The following COL10A1 variants were observed in gnomAD, a reference collection of about 807,000 sequenced individuals.
COL10A1 encodes collagen alpha-1(X) chain.
A neutral mutation model predicts 18.2 loss-of-function variants in COL10A1; 10 were observed. That is an observed-to-expected ratio of 0.55 (90% confidence interval 0.34 to 0.93). The LOEUF (loss-of-function observed/expected upper bound fraction) is 0.93. Among genes scored for constraint, COL10A1 ranks in the 40% least tolerant of loss-of-function variants. The pLI, the probability that COL10A1 is intolerant of heterozygous loss-of-function variation, is 0.02. For synonymous variants in COL10A1, 330 were observed against 316.6 expected (o/e 1.04, Z -0.45); for missense variants, 897 against 853.5 (o/e 1.05, Z -0.64).
chr6:116,194,507 G>A, the COL10A1 span, among the ~76,000 whole-genome samples: 7 of 152,108 alleles, frequency 4.6e-5, no homozygotes, highest in African/African-American at 1.4e-4. Flanking sequence ...ATTTTATGTT[G>A]TGGGGAGTTA....
chr6:116,121,590 T>C lies in COL10A1; in HGVS notation c.526A>G (p.Lys176Glu). ...APGPRGFPGE[K>E]GAPGVPGMNG... ...ATACCAGGGACTCCTGGTGCACCCT[T>C]TTCTCCAGGAAAGCCCCTGGGTCCT... Residue 176 changes from lysine to glutamate, a missense_variant, in exon 3 of 3, where the codon AAG (lysine) becomes GAG (glutamate). By Grantham distance (56) the Lys-to-Glu change is moderately conservative. Transcript: ENST00000651968. 1 of 1,613,964 alleles carries C rather than the reference T, an allele frequency of 6.2e-7. No homozygotes were observed. The highest frequency in any genetic ancestry group is 8.5e-7 in the Non-Finnish European group (1 of 1,179,960).
upstream of COL10A1, among the ~76,000 whole-genome samples, chr6:116,160,779 T>A (rs569808045): frequency 3.4e-4 from 52 of 152,348 alleles, no homozygotes; most frequent in African/African-American, 1.2e-3. Context: ...GCCTTTAATC[T>A]ATCTTCAGTT....
chr6:116,201,467 A>G, the COL10A1 span, among the ~76,000 whole-genome samples: 4 of 152,016 alleles, frequency 2.6e-5, no homozygotes, highest in African/African-American at 7.2e-5. Context: ...GAATTGACCA[A>G]TCAAATTTCC....
At chr6:116,142,954 G>A (rs1349541402) in intron 1 of COL10A1, among the ~76,000 whole-genome samples, 1 of 152,090 alleles carries the variant, frequency 6.6e-6, no homozygotes, top group Non-Finnish European at 1.5e-5. Context: ...ACTATTCTCT[G>A]TGTTTCATGG....
Position 116,120,087 on chromosome 6 carries a change from C to T in COL10A1, c.2029G>A (p.Val677Met). ...YVHSSFSGFLVAPM is the reference protein window; with the variant it reads ...YVHSSFSGFLMAPM ...TCTGTGTGTACTCACATTGGAGCCA[C>T]TAGGAATCCTGAGAAAGAGGAGTGG... Residue 677 changes from valine (V) to methionine (M), a missense_variant, in exon 3 of 3, where the codon GTG becomes ATG. Val to Met is a conservative substitution (Grantham distance 21, BLOSUM62 1). Coordinates refer to ENST00000651968, the MANE Select transcript of COL10A1 (RefSeq NM_000493.4). 1 of 1,614,058 alleles carries T rather than the reference C, an allele frequency of 6.2e-7. No homozygotes were observed.
chr6:116,201,854 C>T, the COL10A1 span, among the ~76,000 whole-genome samples: 4 of 152,112 alleles, frequency 2.6e-5, no homozygotes, highest in African/African-American at 9.6e-5. Context: ...TTTTTAAATG[C>T]TCTATTTCTG....
chr6:116,121,404 C>T lies in COL10A1; in HGVS notation c.712G>A (p.Gly238Ser). 1 of 1,614,128 alleles carries T rather than the reference C, an allele frequency of 6.2e-7. No individual in the cohort carries two copies. The change falls in exon 3 of 3, where the codon GGT becomes AGT. Residue 238 changes from glycine to serine, a missense_variant. Gly to Ser is a moderately conservative substitution (Grantham distance 56, BLOSUM62 0). Transcript: ENST00000651968. ...ATTGGTCCCATTTCTCCCGGAAAAC[C>T]TCTATCACCTTTGATGCCTGGCTGT... Reference protein sequence around the residue: ...PGQPGIKGDRGFPGEMGPIGP... With the variant: ...PGQPGIKGDRSFPGEMGPIGP...
chr6:116,129,974 A>C (rs543042289), upstream of COL10A1, among the ~76,000 whole-genome samples: 1 of 152,134 alleles, frequency 6.6e-6, no homozygotes, highest in Non-Finnish European at 1.5e-5. Context: ...AGAACCCTTT[A>C]CAGAGAGTGG....
At chr6:116,189,244 C>A in the COL10A1 span, among the ~76,000 whole-genome samples, 1 of 151,556 alleles carries the variant, frequency 6.6e-6, no homozygotes, top group Admixed American at 6.6e-5. Context: ...TTAACTGGTA[C>A]TTTTTTCTCT....
chr6:116,135,868 T>TACAC (rs1368513713), intron 1 of COL10A1, among the ~76,000 whole-genome samples: 17 of 115,240 alleles, frequency 1.5e-4, no homozygotes, highest in African/African-American at 6.4e-4. Context: ...TATATATATA[T>TACAC]ATATACACAC....
At chr6:116,182,064 C>A in the COL10A1 span, among the ~76,000 whole-genome samples, 1 of 151,974 alleles carries the variant, frequency 6.6e-6, no homozygotes, top group East Asian at 1.9e-4. Context: ...GTGTATTATT[C>A]TTATGCCTTT....
chr6:116,161,718 T>C (rs965632562), upstream of COL10A1, among the ~76,000 whole-genome samples: 2 of 152,222 alleles, frequency 1.3e-5, no homozygotes, highest in African/African-American at 4.8e-5. Context: ...TAGGCTCTTA[T>C]GGGTTCCATA....
intron 1 of COL10A1, among the ~76,000 whole-genome samples, chr6:116,134,908 G>T (rs1446440564): frequency 6.6e-6 from 1 of 152,130 alleles, no homozygotes; most frequent in Non-Finnish European, 1.5e-5. Context: ...AAAGAAAAAG[G>T]AGAAGAGCCC....
At chr6:116,207,738 T>G in the COL10A1 span, among the ~76,000 whole-genome samples, 1 of 151,936 alleles carries the variant, frequency 6.6e-6, no homozygotes, top group Non-Finnish European at 1.5e-5. Context: ...ATTACTCAAC[T>G]GTGAACCCCT....
chr6:116,179,203 T>C, the COL10A1 span, among the ~76,000 whole-genome samples: 1 of 152,170 alleles, frequency 6.6e-6, no homozygotes, highest in Non-Finnish European at 1.5e-5. Context: ...AAATAACATA[T>C]AGTAGATATT....
chr6:116,178,345 A>G, the COL10A1 span, among the ~76,000 whole-genome samples: 3 of 152,074 alleles, frequency 2.0e-5, no homozygotes, highest in Non-Finnish European at 4.4e-5. Flanking sequence ...GCCCTAGGAC[A>G]CCTTTCTGAA....
At chr6:116,141,885 A>AACAC (rs3051942) in intron 1 of COL10A1, among the ~76,000 whole-genome samples, 13,820 of 140,286 alleles carry the variant, frequency 0.099, 809 homozygotes, top group African/African-American at 0.14. Context: ...CCAAAAAGAA[A>AACAC]ACACACACAC....
At chr6:116,216,580 T>A in the COL10A1 span, among the ~76,000 whole-genome samples, 1 of 151,956 alleles carries the variant, frequency 6.6e-6, no homozygotes, top group Non-Finnish European at 1.5e-5. Flanking sequence ...TGAGAGACTT[T>A]CCAAGTATTA....
At chr6:116,200,551 A>C in the COL10A1 span, among the ~76,000 whole-genome samples, 9 of 152,188 alleles carry the variant, frequency 5.9e-5, no homozygotes, top group African/African-American at 2.2e-4. Flanking sequence ...CTAAAATTAA[A>C]ATTTTATTTT....
Sources: allele counts gnomAD v4.1 joint callset (sites outside exome capture counted in the v4.1 genomes callset), GRCh38; gene constraint gnomAD v4.1.1; transcripts MANE v1.5; gene names NCBI Gene and HGNC (gene_info 2026-07-23, HGNC 2026-07-21).